FBLN7: variants seen among roughly 807,000 people sequenced by gnomAD.
The protein encoded by FBLN7 is fibulin-7.
FBLN7 carries 31 observed loss-of-function variants against 44.0 expected under a neutral mutation model. The observed-to-expected ratio is 0.70, with a 90% confidence interval of 0.53 to 0.95. FBLN7 has a LOEUF of 0.95. Ranked by LOEUF, FBLN7 falls within the 40% of genes least tolerant of loss-of-function variation. FBLN7 has a pLI of 0.00. For synonymous variants in FBLN7, 262 were observed against 253.4 expected (o/e 1.03, Z -0.32); for missense variants, 573 against 618.5 (o/e 0.93, Z 0.78).
chr2:112,175,925 T>C, intron 4 of FBLN7, 86 bp downstream of exon 4: 1 of 1,505,806 alleles, frequency 6.6e-7, no homozygotes, highest in East Asian at 2.3e-5. Flanking sequence ...TGCAGACATG[T>C]AGGGAGCTCA....
chr2:112,189,128 G>T (rs1476290062), downstream of FBLN7: 1 of 152,258 alleles, frequency 6.6e-6, no homozygotes, highest in Non-Finnish European at 1.5e-5. Context: ...GATATATTGA[G>T]ATATGATGTG....
At chr2:112,223,521 T>A in the FBLN7 span, among the ~76,000 whole-genome samples, 1 of 152,142 alleles carries the variant, frequency 6.6e-6, no homozygotes, top group East Asian at 1.9e-4. Flanking sequence ...TTGTATAACC[T>A]CTTGACTTTT....
intron 2 of FBLN7, among the ~76,000 whole-genome samples, chr2:112,160,112 T>C (rs1298825834): frequency 2.0e-5 from 3 of 152,172 alleles, no homozygotes; most frequent in Non-Finnish European, 4.4e-5. Context: ...TGCCTCAGCC[T>C]CCCGCGTAGC....
rs1683024819 is a variant in FBLN7 at position 112,181,958 on chromosome 2, C to G, written c.670+82C>G. The G allele has an allele frequency of 3.4e-6, 5 of 1,455,100 alleles. No homozygotes were observed. The East Asian group carries it at 1.4e-4, about 41-fold the overall frequency. The allele number at this position is 1,455,100 out of a possible 1,614,324, so 90.1% of individuals were successfully genotyped here. A position where few individuals can be genotyped will look rare whatever the true frequency, so the allele number is the denominator to read the frequency against. ...GAAGGGGCTCTCACCCACCGCCCTC[C>G]TGCCGGCACGGGTGGCTTCCTGCGC... On this transcript the variant is annotated intron_variant, in intron 5 of 7. Coordinates refer to ENST00000331203, the MANE Select transcript of FBLN7 (RefSeq NM_153214.3).
At chr2:112,190,912 CACT>C (rs1683466238), downstream of FBLN7, among the ~76,000 whole-genome samples, 1 of 152,142 alleles carries the variant, frequency 6.6e-6, no homozygotes, top group Non-Finnish European at 1.5e-5. Context: ...TAAGATAAAA[CACT>C]ACATGAGTTC....
rs923592194 is a variant in FBLN7, at chr2:112,168,535, G to A, written c.406+3364G>A. ...GACACTTCTGTTCTCAGCAGGAATT[G>A]ATGTGATTCATGGTTGTTGTCTCCA... On this transcript the variant is annotated intron_variant, in intron 3 of 7. Transcript: ENST00000331203. Among the ~76,000 whole-genome samples, 29 of 152,224 alleles carry A rather than the reference G, an allele frequency of 1.9e-4. 1 individual carries two copies. The highest frequency in any genetic ancestry group is 6.5e-4 in the African/African-American group (27 of 41,462).
rs11687852 is a variant in FBLN7 at position 112,166,577 on chromosome 2, G to A, written c.406+1406G>A. On this transcript the variant is annotated intron_variant, in intron 3 of 7. Transcript: ENST00000331203. ...GAACCAGTCAGGAAGTAAAAGTCAT[G>A]TAACATGCGAACAAAACAGGGGAAA... is the stretch of plus-strand genomic sequence containing the variant. Among the ~76,000 whole-genome samples, 801 of 152,150 alleles carry A rather than the reference G, an allele frequency of 5.3e-3. 1 individual carries two copies. Among genetic ancestry groups the A allele is most frequent in the Middle Eastern group, 0.01 (3 of 294 alleles).
In FBLN7 at chr2:112,187,934, G is replaced by A; in HGVS notation, c.*428G>A. 1 of 224,792 alleles carries A rather than the reference G, an allele frequency of 4.4e-6. No individual in the cohort carries two copies. The allele number at this position is 224,792 out of a possible 1,614,324, so 13.9% of individuals were successfully genotyped here. A position where few individuals can be genotyped will look rare whatever the true frequency, so the allele number is the denominator to read the frequency against. ...ATGAAACGGTTCTAGTCGTGCGGGGGGCCCTAGTCATGCCTCTGCGCATGT... is the reference window on the plus strand; with the variant it reads ...ATGAAACGGTTCTAGTCGTGCGGGGAGCCCTAGTCATGCCTCTGCGCATGT... On this transcript the variant is annotated 3_prime_UTR_variant, in exon 8 of 8. Coordinates refer to ENST00000331203, the MANE Select transcript of FBLN7 (RefSeq NM_153214.3). The surrounding 1 kb of genome is among the most constrained non-coding windows in gnomAD (Gnocchi z 5.1).
chr2:112,159,857 G>C (rs1057176616), intron 2 of FBLN7, 22 bp downstream of exon 2: 2 of 1,503,972 alleles, frequency 1.3e-6, no homozygotes, highest in South Asian at 1.2e-5. Flanking sequence ...CGTCGGCACC[G>C]CTGGGGCGGC....
chr2:112,160,795 C>T (rs1178653671), intron 2 of FBLN7, among the ~76,000 whole-genome samples: 3 of 140,382 alleles, frequency 2.1e-5, no homozygotes, highest in African/African-American at 8.0e-5. Context: ...CGCACACGCA[C>T]ACACGCACGC....
rs772395383 is a variant in FBLN7, at chr2:112,138,691, G to T, written c.36G>T (p.Leu12=). 1 of 1,613,368 alleles carries T rather than the reference G, an allele frequency of 6.2e-7. No individual in the cohort carries two copies. The highest frequency in any genetic ancestry group is 8.5e-7 in the Non-Finnish European group (1 of 1,179,882). The change falls in exon 1 of 8, where the codon CTG becomes CTT. Residue 12 remains leucine, a synonymous_variant. Coordinates refer to ENST00000331203, the MANE Select transcript of FBLN7 (RefSeq NM_153214.3). ...GCTCTCCGCGCGCGCTCTTCCTTCT[G>T]CTCCTGATCCTCGCCTGCCCCGAGC... ...VPSSPRALFL[L]LLILACPEPR... is the part of the protein sequence containing the mutation.
chr2:112,147,666 G>C (rs1385995304), intron 1 of FBLN7, among the ~76,000 whole-genome samples: 1 of 152,158 alleles, frequency 6.6e-6, no homozygotes, highest in Non-Finnish European at 1.5e-5. Context: ...CTTTGGGAGA[G>C]AGTCTCTCTG....
the FBLN7 span, among the ~76,000 whole-genome samples, chr2:112,241,009 TTG>T: frequency 0.017 from 2,508 of 145,230 alleles, 68 homozygotes; most frequent in African/African-American, 0.058. Context: ...GTGTTGTGTT[TTG>T]TGTGTGTGTG....
At chr2:112,219,862 G>T in the FBLN7 span, among the ~76,000 whole-genome samples, 2 of 152,176 alleles carry the variant, frequency 1.3e-5, no homozygotes, top group African/African-American at 4.8e-5. Flanking sequence ...TGTGAGTGGA[G>T]TGTTTAATGT....
At chr2:112,166,328 G>A (rs1390984656) in intron 3 of FBLN7, among the ~76,000 whole-genome samples, 2 of 152,142 alleles carry the variant, frequency 1.3e-5, no homozygotes, top group Admixed American at 6.5e-5. Flanking sequence ...TGGGATTACA[G>A]GTGTGATCCA....
At chr2:112,166,678 A>G (rs1219841258) in intron 3 of FBLN7, among the ~76,000 whole-genome samples, 1 of 152,242 alleles carries the variant, frequency 6.6e-6, no homozygotes, top group African/African-American at 2.4e-5. Flanking sequence ...GTGATAACCC[A>G]TGGCGGGGGA....
intron 7 of FBLN7, among the ~76,000 whole-genome samples, chr2:112,186,468 C>T (rs185524072): frequency 1.0e-3 from 159 of 152,128 alleles, no homozygotes; most frequent in African/African-American, 3.6e-3. Context: ...GGTGAAACCC[C>T]GTCTCTACTA....
intron 1 of FBLN7, among the ~76,000 whole-genome samples, chr2:112,156,403 CG>C (rs1172610579): frequency 6.6e-6 from 1 of 152,218 alleles, no homozygotes. Flanking sequence ...CGTTTCTCCA[CG>C]GGGTTGCTGC....
chr2:112,188,791 G>C (rs1374664982), downstream of FBLN7: 1 of 152,182 alleles, frequency 6.6e-6, no homozygotes, highest in African/African-American at 2.4e-5. Flanking sequence ...TTTGGACAAA[G>C]GTTGAGACAC....
Sources: gnomAD v4.1 joint callset for allele counts (sites outside exome capture counted in the v4.1 genomes callset) on GRCh38, gnomAD v4.1.1 for gene constraint, Gnocchi (gnomAD v3.1) non-coding constraint, MANE v1.5 for transcripts, NCBI Gene and HGNC (gene_info 2026-07-23, HGNC 2026-07-21) for gene names.